ANGEL2: variants seen among roughly 807,000 people sequenced by gnomAD.
The protein encoded by ANGEL2 is angel homolog 2, also known as RNA 2',3'-cyclic phosphatase ANGEL2.
In ANGEL2, 41 loss-of-function variants were observed where a neutral mutation model predicts 66.0. That is an observed-to-expected ratio of 0.62 (90% confidence interval 0.48 to 0.81). The LOEUF is 0.81. Ranked by LOEUF, ANGEL2 falls within the 30% of genes least tolerant of loss-of-function variation. The pLI is 0.00. For missense variants in ANGEL2, 561 were observed against 641.6 expected, an observed-to-expected ratio of 0.87 and a Z score of 1.36; for synonymous variants, 208 against 226.5, an observed-to-expected ratio of 0.92 and a Z score of 0.73.
At position 213,007,117 on chromosome 1, in the gene ANGEL2, G is replaced by A. The variant is rs1211139646; in HGVS notation, c.712+12C>T. ...CAAAAAAGAAAAAAAAAAAAAAAAA[G>A]TTGCATTGTACCCAGTGATTCCAAA... On this transcript the variant is annotated intron_variant, in intron 4 of 8. Coordinates refer to ENST00000366962, the MANE Select transcript of ANGEL2 (RefSeq NM_144567.5). 5.0e-6 allele frequency: 7 copies of A among 1,393,384 alleles called. No individual in the cohort carries two copies. Among genetic ancestry groups the A allele is most frequent in the African/African-American group, 4.3e-5 (3 of 69,476 alleles). The allele number at this position is 1,393,384 out of a possible 1,614,324, so 86.3% of individuals were successfully genotyped here. A position where few individuals can be genotyped will look rare whatever the true frequency, so the allele number is the denominator to read the frequency against.
At chr1:212,997,124 A>C in intron 8 of ANGEL2, 31 bp downstream of exon 8, 2 of 1,596,672 alleles carry the variant, frequency 1.3e-6, no homozygotes, top group Non-Finnish European at 1.7e-6. Flanking sequence ...TGTGCTCTCT[A>C]GGAGAATTTA....
chr1:212,996,400 C>A (rs968673692), intron 8 of ANGEL2, among the ~76,000 whole-genome samples: 15 of 151,214 alleles, frequency 9.9e-5, no homozygotes, highest in Admixed American at 9.9e-4. Flanking sequence ...CCGAGGTGGA[C>A]GGCTTGAGCC....
intron 8 of ANGEL2, among the ~76,000 whole-genome samples, chr1:212,996,710 C>T (rs2148132422): frequency 7.4e-6 from 1 of 134,478 alleles, no homozygotes; most frequent in African/African-American, 2.9e-5. Flanking sequence ...CCAGAGTCAA[C>T]ATGACAGCAT....
At position 213,008,340 on chromosome 1, in the gene ANGEL2, G is replaced by A; in HGVS notation, c.512C>T (p.Ser171Phe). ...TAAATCTTGTGAAAGTATATTATAG[G>A]ACATCACTGAAAAGTCAAACTTGTT... ...SENKFDFSVM[S>F]YNILSQDLLE... Residue 171 changes from serine to phenylalanine, a missense_variant, in exon 3 of 9, where the codon TCC becomes TTC. By Grantham distance (155) the Ser-to-Phe change is radical. Transcript: ENST00000366962. 1 of 1,614,138 alleles carries A rather than the reference G, an allele frequency of 6.2e-7. No individual in the cohort carries two copies.
At chr1:213,004,865 C>CAAAA (rs60445711) in intron 5 of ANGEL2, among the ~76,000 whole-genome samples, 168 bp downstream of exon 5, 1 of 35,240 alleles carries the variant, frequency 2.8e-5, no homozygotes, top group Non-Finnish European at 4.9e-5. Context: ...GAGACTGTCT[C>CAAAA]AAAAAAAAAA....
At chr1:212,998,016 T>C (rs1358162454) in intron 7 of ANGEL2, among the ~76,000 whole-genome samples, 1 of 152,206 alleles carries the variant, frequency 6.6e-6, no homozygotes, top group Non-Finnish European at 1.5e-5. Flanking sequence ...AGTGTTCATA[T>C]GTCAGGAACA....
chr1:212,998,869 A>G (rs1438577974), intron 7 of ANGEL2, among the ~76,000 whole-genome samples: 1 of 148,984 alleles, frequency 6.7e-6, no homozygotes, highest in Non-Finnish European at 1.5e-5. Flanking sequence ...CAAGTAAGGT[A>G]TCTATTTTTT....
chr1:213,012,729 G>A (rs1023420164), intron 2 of ANGEL2, among the ~76,000 whole-genome samples: 1 of 152,082 alleles, frequency 6.6e-6, no homozygotes, highest in Non-Finnish European at 1.5e-5. Flanking sequence ...TAGATCTGTA[G>A]ACTTCTAAGC....
At chr1:213,004,416 C>T (rs2076260859) in intron 5 of ANGEL2, among the ~76,000 whole-genome samples, 1 of 151,766 alleles carries the variant, frequency 6.6e-6, no homozygotes, top group South Asian at 2.1e-4. Context: ...TTGCCCACAA[C>T]CAGCATTCAA....
At chr1:213,012,771 G>T (rs1257252976) in intron 2 of ANGEL2, among the ~76,000 whole-genome samples, 1 of 152,110 alleles carries the variant, frequency 6.6e-6, no homozygotes, top group Non-Finnish European at 1.5e-5. Flanking sequence ...AAGTCTAAGG[G>T]CCTTTGTTTC....
At chr1:213,007,036 G>A (rs1276844951) in intron 4 of ANGEL2, 93 bp downstream of exon 4, 6 of 1,215,726 alleles carry the variant, frequency 4.9e-6, no homozygotes, top group African/African-American at 1.5e-5. Flanking sequence ...TGAGGCTGTA[G>A]TGAGCCATGA....
At chr1:213,000,517 T>G in intron 6 of ANGEL2, 134 bp from the exon 7 acceptor site, 1 of 848,338 alleles carries the variant, frequency 1.2e-6, no homozygotes, top group Non-Finnish European at 1.8e-6. Context: ...TTCTGGAATC[T>G]ATATATTTCG....
At chr1:213,014,327 G>C (rs2076582003) in intron 1 of ANGEL2, among the ~76,000 whole-genome samples, 1 of 152,144 alleles carries the variant, frequency 6.6e-6, no homozygotes, top group Non-Finnish European at 1.5e-5. Flanking sequence ...CCATCCCTAA[G>C]GGAATTTTGT....
intron 7 of ANGEL2, among the ~76,000 whole-genome samples, chr1:212,998,967 C>T (rs940644480): frequency 6.6e-6 from 1 of 151,936 alleles, no homozygotes; most frequent in African/African-American, 2.4e-5. Flanking sequence ...GCAACCTCTG[C>T]CCCCCAGGGT....
chr1:213,000,048 T>C (rs1334862215), intron 7 of ANGEL2, among the ~76,000 whole-genome samples: 2 of 152,216 alleles, frequency 1.3e-5, no homozygotes, highest in African/African-American at 4.8e-5. Context: ...TTTCAGACAT[T>C]GTGCTTTATA....
intron 6 of ANGEL2, 59 bp downstream of exon 6, chr1:213,000,727 T>C: frequency 6.6e-7 from 1 of 1,522,640 alleles, no homozygotes; most frequent in Non-Finnish European, 8.7e-7. Context: ...CTTAGTTTTA[T>C]GTCTTCAAAG....
chr1:213,000,816 C>T lies in ANGEL2; in HGVS notation c.1231G>A (p.Val411Ile), dbSNP rs771974778. 2.5e-6 allele frequency: 4 copies of T among 1,611,140 alleles called. No individual in the cohort carries two copies. The Admixed American group carries it at 5.1e-5, about 21-fold the overall frequency. Residue 411 changes from valine (V) to isoleucine (I), a missense_variant, in exon 6 of 9, where the codon GTA becomes ATA. Val to Ile is a conservative substitution (Grantham distance 29). Transcript: ENST00000366962. ...TTTTCTACTTTTGGTACCTGCTGTA[C>T]CTCATACACACAGTTCTGTGAGATA... ...LGISQNCVYE[V>I]QQVPKVEKTD...
At chr1:213,002,280 G>A (rs1230780492) in intron 5 of ANGEL2, 6 of 152,230 alleles carry the variant, frequency 3.9e-5, no homozygotes, top group Non-Finnish European at 8.8e-5. Flanking sequence ...GGGTGACCAG[G>A]TGCCTTGTGA....
intron 7 of ANGEL2, among the ~76,000 whole-genome samples, chr1:212,999,010 T>G (rs1327539902): frequency 1.3e-5 from 2 of 151,940 alleles, no homozygotes; most frequent in African/African-American, 2.4e-5. Flanking sequence ...CTACCTGGGA[T>G]TACACGTGCA....
Sources: gnomAD v4.1 joint callset for allele counts (sites outside exome capture counted in the v4.1 genomes callset) on GRCh38, gnomAD v4.1.1 for gene constraint, MANE v1.5 for transcripts, NCBI Gene and HGNC (gene_info 2026-07-23, HGNC 2026-07-21) for gene names.